The following CCNY variants were observed in gnomAD, a reference collection of about 807,000 sequenced individuals.
CCNY encodes cyclin-Y.
Under a neutral mutation model 42.8 loss-of-function variants are expected in CCNY, and 19 were observed. That is an observed-to-expected ratio of 0.44 (90% CI 0.31 to 0.65). The LOEUF (loss-of-function observed/expected upper bound fraction) is 0.65. Among genes scored for constraint, CCNY ranks in the 30% least tolerant of loss-of-function variants. The probability of loss-of-function intolerance (pLI) is 0.07; values close to 1 mark genes in which losing one functional copy is unlikely to be tolerated. For missense variants in CCNY, 370 were observed against 437.3 expected, an observed-to-expected ratio of 0.85 and a Z score of 1.37; for synonymous variants, 165 against 162.7, an observed-to-expected ratio of 1.01 and a Z score of -0.11.
At chr10:35,371,236 C>T (rs566015275) in intron 1 of CCNY, among the ~76,000 whole-genome samples, 211 of 152,260 alleles carry the variant, frequency 1.4e-3, no homozygotes, top group African/African-American at 4.6e-3. Flanking sequence ...TAGTGGCTGA[C>T]GGATGAGAGG....
chr10:35,323,657 G>T (rs1261237334), intron 3 of CCNY, among the ~76,000 whole-genome samples: 1 of 152,182 alleles, frequency 6.6e-6, no homozygotes, highest in Non-Finnish European at 1.5e-5. Context: ...GAATTTTGGG[G>T]TGATGGAAAT....
intron 8 of CCNY, among the ~76,000 whole-genome samples, chr10:35,561,496 G>A (rs1057432944): frequency 6.6e-6 from 1 of 152,202 alleles, no homozygotes; most frequent in African/African-American, 2.4e-5. Flanking sequence ...TCTGTGGTTA[G>A]CTGGTCTCAG....
At chr10:35,324,009 C>A (rs1022702014) in intron 3 of CCNY, among the ~76,000 whole-genome samples, 4 of 138,048 alleles carry the variant, frequency 2.9e-5, no homozygotes, top group Admixed American at 1.5e-4. Context: ...TACAGTGAGA[C>A]TTTGCCTCAA....
intron 7 of CCNY, among the ~76,000 whole-genome samples, chr10:35,542,494 A>T (rs535586229): frequency 2.0e-5 from 3 of 152,150 alleles, no homozygotes; most frequent in South Asian, 2.1e-4. Flanking sequence ...ACTCTGTGCA[A>T]ACCACACGTA....
chr10:35,539,231 A>G (rs902664999), intron 7 of CCNY, among the ~76,000 whole-genome samples: 1 of 152,186 alleles, frequency 6.6e-6, no homozygotes, highest in African/African-American at 2.4e-5. Context: ...TGGCCATGCC[A>G]TCCATGATCC....
At position 35,403,449 on chromosome 10, in the gene CCNY, CAG is replaced by C. The variant is rs565389718; in HGVS notation, c.154+66244_154+66245del. On this transcript the variant is annotated intron_variant, in intron 1 of 9. Transcript: ENST00000374704. ...AAGGAGAAAAACTGGCCGTGAGGGA[CAG>C]AAGTTGGAATTCTGCCTGCTTCTTT... Among the ~76,000 whole-genome samples, 676 of 152,300 alleles carry C rather than the reference CAG, an allele frequency of 4.4e-3. 3 individuals carry two copies. Among genetic ancestry groups the C allele is most frequent in the African/African-American group, 0.016 (651 of 41,566 alleles).
At chr10:35,468,446 A>G (rs1164384909) in intron 1 of CCNY, among the ~76,000 whole-genome samples, 1 of 152,158 alleles carries the variant, frequency 6.6e-6, no homozygotes, top group African/African-American at 2.4e-5. Flanking sequence ...TCCTACAAAC[A>G]TGGTTCTTTT....
chr10:35,478,995 A>T (rs1467305266), intron 1 of CCNY, among the ~76,000 whole-genome samples: 2 of 152,258 alleles, frequency 1.3e-5, no homozygotes, highest in Non-Finnish European at 2.9e-5. Flanking sequence ...GCCAAAAAAC[A>T]CGTGAAAAAA....
rs146260771 is a variant in CCNY at position 35,561,790 on chromosome 10, C to A, written c.747-4233C>A. On this transcript the variant is annotated intron_variant, in intron 8 of 9. Transcript: ENST00000374704. ...AGAGGGGTTCTGGCTTGGAAGGCAGCTGACTGTGCAGCTGCGTATCTGTGG... is the reference window on the plus strand; with the variant it reads ...AGAGGGGTTCTGGCTTGGAAGGCAGATGACTGTGCAGCTGCGTATCTGTGG... Among the ~76,000 whole-genome samples the A allele has an allele frequency of 2.2e-4, 34 of 152,352 alleles. No homozygotes were observed. In the East Asian group the frequency reaches 6.4e-3, roughly 29 times the overall value.
At chr10:35,262,502 G>A (rs1422983070) in intron 3 of CCNY, among the ~76,000 whole-genome samples, 1 of 151,666 alleles carries the variant, frequency 6.6e-6, no homozygotes, top group Non-Finnish European at 1.5e-5. Context: ...GGGACTACAG[G>A]TGCACGCCAC....
chr10:35,556,481 T>G (rs1015117887), intron 8 of CCNY, among the ~76,000 whole-genome samples: 3 of 152,238 alleles, frequency 2.0e-5, no homozygotes, highest in African/African-American at 7.2e-5. Context: ...GATCCATCTA[T>G]AATATACTGT....
chr10:35,497,622 C>T (rs11010211), intron 2 of CCNY, among the ~76,000 whole-genome samples: 1 of 151,096 alleles, frequency 6.6e-6, no homozygotes, highest in Admixed American at 6.6e-5. Flanking sequence ...CCCCTGTACT[C>T]TCAGCTACTT....
intron 1 of CCNY, among the ~76,000 whole-genome samples, chr10:35,455,899 G>C (rs1221395211): frequency 7.0e-6 from 1 of 142,902 alleles, no homozygotes; most frequent in Non-Finnish European, 1.5e-5. Flanking sequence ...GCTCACTGAA[G>C]CCCCAAAATC....
intron 1 of CCNY, among the ~76,000 whole-genome samples, chr10:35,454,528 G>A (rs967573608): frequency 3.3e-5 from 5 of 152,234 alleles, no homozygotes; most frequent in Admixed American, 2.0e-4. Flanking sequence ...TGGAAAGCAA[G>A]TTTTCCATCA....
intron 1 of CCNY, among the ~76,000 whole-genome samples, chr10:35,427,668 C>T (rs1036130776): frequency 3.9e-5 from 6 of 152,238 alleles, no homozygotes; most frequent in Admixed American, 3.9e-4. Context: ...CTGTGACCCA[C>T]AGGGTCATAT....
chr10:35,346,525 C>T (rs1836306899), intron 1 of CCNY, among the ~76,000 whole-genome samples: 1 of 152,244 alleles, frequency 6.6e-6, no homozygotes, highest in Non-Finnish European at 1.5e-5. Flanking sequence ...CAACTCCAGA[C>T]TGCCACTTTG....
intron 1 of CCNY, among the ~76,000 whole-genome samples, chr10:35,391,390 G>C (rs1409519959): frequency 1.3e-5 from 2 of 152,130 alleles, no homozygotes; most frequent in Non-Finnish European, 2.9e-5. Context: ...TTAGGTCAGA[G>C]CAAGTGACCA....
intron 1 of CCNY, among the ~76,000 whole-genome samples, chr10:35,425,531 T>TTA (rs1317608638): frequency 6.6e-6 from 1 of 152,200 alleles, no homozygotes; most frequent in Non-Finnish European, 1.5e-5. Flanking sequence ...GAGTGGGATG[T>TTA]TATATATGGC....
intron 1 of CCNY, among the ~76,000 whole-genome samples, chr10:35,435,905 A>G (rs1838521826): frequency 6.6e-6 from 1 of 152,196 alleles, no homozygotes; most frequent in Admixed American, 6.5e-5. Context: ...TGATGGTAGT[A>G]GTGACGATGG....
Sources: gnomAD v4.1 joint callset for allele counts (sites outside exome capture counted in the v4.1 genomes callset) on GRCh38, gnomAD v4.1.1 for gene constraint, MANE v1.5 for transcripts, NCBI Gene and HGNC (gene_info 2026-07-23, HGNC 2026-07-21) for gene names.